The following PTPRD variants were observed in gnomAD, a reference collection of about 807,000 sequenced individuals.
PTPRD encodes receptor-type tyrosine-protein phosphatase delta.
PTPRD carries 34 observed loss-of-function variants against 214.5 expected under a neutral mutation model. The ratio of observed to expected loss-of-function variants is 0.16; its 90% confidence interval spans 0.12 to 0.21. The LOEUF (loss-of-function observed/expected upper bound fraction) is 0.21, where lower values mean the gene tolerates loss of function less well. Among genes scored for constraint, PTPRD ranks in the 10% least tolerant of loss-of-function variants. PTPRD has a pLI of 1.00. For missense variants in PTPRD, 2,545 were observed against 2,398.7 expected (o/e 1.06, Z -1.27); for synonymous variants, 1,128 against 845.7 (o/e 1.33, Z -5.79).
intron 3 of PTPRD, among the ~76,000 whole-genome samples, chr9:10,175,159 C>G (rs2099239573): frequency 6.6e-6 from 1 of 152,002 alleles, no homozygotes; most frequent in Non-Finnish European, 1.5e-5. Flanking sequence ...CAAAAATTAT[C>G]AGGATGCTGT....
chr9:10,528,759 G>A (rs1021748476), intron 2 of PTPRD, among the ~76,000 whole-genome samples: 4 of 152,202 alleles, frequency 2.6e-5, no homozygotes, highest in South Asian at 2.1e-4. Flanking sequence ...ATTTAACTGT[G>A]AGTGTCTTTA....
At chr9:9,348,702 T>A (rs2049908269) in intron 9 of PTPRD, among the ~76,000 whole-genome samples, 1 of 152,138 alleles carries the variant, frequency 6.6e-6, no homozygotes, top group African/African-American at 2.4e-5. Context: ...AAATGGCATC[T>A]TCACCTACTC....
At chr9:9,011,663 T>A (rs1490182713) in intron 11 of PTPRD, among the ~76,000 whole-genome samples, 2 of 152,162 alleles carry the variant, frequency 1.3e-5, no homozygotes, top group Admixed American at 1.3e-4. Flanking sequence ...TTTAGTAAAC[T>A]AGTATAATGA....
intron 9 of PTPRD, among the ~76,000 whole-genome samples, chr9:9,215,722 T>C (rs911215820): frequency 2.0e-5 from 3 of 152,206 alleles, no homozygotes. Flanking sequence ...AAGTAACACA[T>C]GTAGCTGTTC....
chr9:9,893,497 A>G (rs964150698), intron 5 of PTPRD, among the ~76,000 whole-genome samples: 1 of 152,158 alleles, frequency 6.6e-6, no homozygotes, highest in African/African-American at 2.4e-5. Flanking sequence ...TTAATAATGA[A>G]ATATGTCAAA....
At chr9:9,365,791 T>G (rs1432497056) in intron 9 of PTPRD, among the ~76,000 whole-genome samples, 1 of 151,456 alleles carries the variant, frequency 6.6e-6, no homozygotes, top group Non-Finnish European at 1.5e-5. Flanking sequence ...ACAGACATTT[T>G]TCACAACTAA....
rs116584751 is a variant in PTPRD, at chr9:8,794,002, T to C, written c.-103-60056A>G. On this transcript the variant is annotated intron_variant, in intron 11 of 45. Transcript: ENST00000381196. ...CTGCAGCACAGCTGTGATATTGATATAGAGTACTAGGAAACTAAAGAAACG... is the reference window on the plus strand; with the variant it reads ...CTGCAGCACAGCTGTGATATTGATACAGAGTACTAGGAAACTAAAGAAACG... 3.6e-3 allele frequency among the ~76,000 whole-genome samples: 554 copies of C among 152,302 alleles called. 2 individuals are homozygous for C. Among genetic ancestry groups the C allele is most frequent in the African/African-American group, 0.012 (487 of 41,566 alleles).
chr9:10,348,043 G>A (rs150124482), intron 2 of PTPRD, among the ~76,000 whole-genome samples: 1 of 152,218 alleles, frequency 6.6e-6, no homozygotes, highest in East Asian at 1.9e-4. Flanking sequence ...GGGAAGCAGA[G>A]CAAGACTTCG....
At position 8,636,795 on chromosome 9, in the gene PTPRD, G is replaced by A. The variant is rs375755265; in HGVS notation, c.114C>T (p.Gly38=). 32 of 1,613,824 alleles carry A rather than the reference G, an allele frequency of 2.0e-5. No homozygotes were observed. Among genetic ancestry groups the A allele is most frequent in the Middle Eastern group, 1.6e-4 (1 of 6,084 alleles). Residue 38 remains glycine (G), a synonymous_variant, in exon 13 of 46, where the codon GGC becomes GGT. Coordinates refer to ENST00000381196, the MANE Select transcript of PTPRD (RefSeq NM_002839.4). ...RTPVDQTGVS[G]GVASFICQAT... is the part of the protein sequence containing the mutation. The stretch of plus-strand genomic sequence containing the variant: ...CTTGGCAGATGAAAGAGGCAACTCC[G>A]CCAGAGACCCCTGTCTGATCAACGG...
intron 14 of PTPRD, among the ~76,000 whole-genome samples, chr9:8,605,817 C>T (rs2095174292): frequency 6.6e-6 from 1 of 152,158 alleles, no homozygotes; most frequent in African/African-American, 2.4e-5. Context: ...GCAACATAAG[C>T]ATACTCTACT....
chr9:8,455,790 G>A (rs777920273), intron 33 of PTPRD, among the ~76,000 whole-genome samples: 3 of 152,148 alleles, frequency 2.0e-5, no homozygotes, highest in Non-Finnish European at 4.4e-5. Flanking sequence ...TAAAATCAGT[G>A]ACTTTATCAG....
At chr9:8,947,036 T>C (rs1398030704) in intron 11 of PTPRD, among the ~76,000 whole-genome samples, 1 of 150,098 alleles carries the variant, frequency 6.7e-6, no homozygotes, top group Non-Finnish European at 1.5e-5. Context: ...TTTCTTTTTT[T>C]TTTTTTGTGT....
intron 10 of PTPRD, among the ~76,000 whole-genome samples, chr9:9,018,944 G>A (rs2099548051): frequency 6.6e-6 from 1 of 152,038 alleles, no homozygotes; most frequent in Non-Finnish European, 1.5e-5. Context: ...GCAACAAGAA[G>A]CAAAACATGT....
chr9:9,939,880 C>G (rs10491911), intron 4 of PTPRD, among the ~76,000 whole-genome samples: 5,737 of 152,168 alleles, frequency 0.038, 170 homozygotes, highest in East Asian at 0.18. Context: ...TCCTTGTAGC[C>G]CTTTTTAATC....
In PTPRD at chr9:8,634,240, TA is replaced by T. The variant is rs59879265; in HGVS notation, c.211-783del. Reference sequence around the variant, plus strand: ...CTTGTTAGCTAATTCAAGTACCACTTAAAAAAAAAAAAGATGATGATATTAA... The same window carrying T: ...CTTGTTAGCTAATTCAAGTACCACTTAAAAAAAAAAAGATGATGATATTAA... On this transcript the variant is annotated intron_variant, in intron 13 of 45. Coordinates refer to ENST00000381196, the MANE Select transcript of PTPRD (RefSeq NM_002839.4). Among the ~76,000 whole-genome samples the T allele has an allele frequency of 2.2e-3, 315 of 143,990 alleles. 2 individuals carry two copies. Among genetic ancestry groups the T allele is most frequent in the South Asian group, 8.6e-3 (39 of 4,550 alleles). The allele number at this position is 143,990 out of a possible 152,430, so 94.5% of individuals were successfully genotyped here.
chr9:10,608,985 G>T (rs2080226756), intron 2 of PTPRD, among the ~76,000 whole-genome samples: 1 of 152,078 alleles, frequency 6.6e-6, no homozygotes, highest in South Asian at 2.1e-4. Flanking sequence ...AAGAAGATAA[G>T]TTCAAATGGC....
intron 2 of PTPRD, among the ~76,000 whole-genome samples, chr9:10,364,237 G>A (rs879414233): frequency 2.0e-5 from 3 of 151,858 alleles, no homozygotes; most frequent in African/African-American, 7.3e-5. Context: ...TCCTGACCTC[G>A]TGATCCGCCT....
chr9:8,419,662 G>A (rs1376681778), intron 35 of PTPRD, among the ~76,000 whole-genome samples: 1 of 150,588 alleles, frequency 6.6e-6, no homozygotes, highest in East Asian at 2.0e-4. Flanking sequence ...TTCTCGGGGG[G>A]GCATATATTT....
At chr9:9,508,906 G>C (rs1292284559) in intron 8 of PTPRD, among the ~76,000 whole-genome samples, 1 of 151,540 alleles carries the variant, frequency 6.6e-6, no homozygotes, top group East Asian at 1.9e-4. Flanking sequence ...CAAAGAGTCT[G>C]TATATCACCC....
Sources: allele counts gnomAD v4.1 joint callset (sites outside exome capture counted in the v4.1 genomes callset), GRCh38; gene constraint gnomAD v4.1.1; transcripts MANE v1.5; gene names NCBI Gene and HGNC (gene_info 2026-07-23, HGNC 2026-07-21).